C8orf34: variants seen among roughly 807,000 people sequenced by gnomAD.
The protein encoded by C8orf34 is chromosome 8 open reading frame 34.
In C8orf34, 65 loss-of-function variants were observed where a neutral mutation model predicts 68.3. The observed-to-expected ratio is 0.95, with a 90% CI of 0.78 to 1.17. The LOEUF (loss-of-function observed/expected upper bound fraction) is 1.17. C8orf34 is among the 50% of genes most tolerant of loss of function. The pLI is 0.00. For missense variants in C8orf34, 664 were observed against 655.4 expected (o/e 1.01, Z -0.14); for synonymous variants, 244 against 241.2 (o/e 1.01, Z -0.11).
chr8:68,708,973 T>G (rs1821253467), intron 8 of C8orf34, 21 bp from the exon 9 acceptor site: 1 of 1,543,500 alleles, frequency 6.5e-7, no homozygotes, highest in South Asian at 1.1e-5. Flanking sequence ...GATGTTTCAA[T>G]GATCATTTTT....
chr8:68,434,040 T>C (rs1187640745), intron 1 of C8orf34, among the ~76,000 whole-genome samples: 1 of 152,180 alleles, frequency 6.6e-6, no homozygotes, highest in Non-Finnish European at 1.5e-5. Flanking sequence ...ATAATATACA[T>C]TTTCACTCAA....
chr8:68,494,680 C>T (rs543234029), intron 5 of C8orf34, among the ~76,000 whole-genome samples: 1 of 151,948 alleles, frequency 6.6e-6, no homozygotes, highest in East Asian at 1.9e-4. Flanking sequence ...CATGGTGAAA[C>T]CCTGTATCTA....
At chr8:68,720,357 G>A (rs900782187) in intron 9 of C8orf34, among the ~76,000 whole-genome samples, 2 of 151,868 alleles carry the variant, frequency 1.3e-5, no homozygotes, top group African/African-American at 4.8e-5. Context: ...GATTTATTAT[G>A]GATTTGGGCT....
At chr8:68,555,461 C>T (rs778149791) in intron 7 of C8orf34, among the ~76,000 whole-genome samples, 6 of 152,076 alleles carry the variant, frequency 3.9e-5, no homozygotes, top group African/African-American at 7.2e-5. Context: ...ACTTTTTTAA[C>T]GTACATGTCT....
At chr8:68,690,065 A>G (rs1820640502) in intron 8 of C8orf34, among the ~76,000 whole-genome samples, 2 of 152,060 alleles carry the variant, frequency 1.3e-5, no homozygotes, top group African/African-American at 4.8e-5. Flanking sequence ...ATTTTTTGGA[A>G]TAAAGGACTG....
intron 1 of C8orf34, among the ~76,000 whole-genome samples, chr8:68,411,265 T>C (rs1809431517): frequency 1.3e-5 from 2 of 152,182 alleles, no homozygotes; most frequent in South Asian, 4.1e-4. Context: ...AACTGCATGG[T>C]TTCTAAGTAG....
At chr8:68,750,537 T>C (rs1385256938) in intron 10 of C8orf34, among the ~76,000 whole-genome samples, 2 of 152,156 alleles carry the variant, frequency 1.3e-5, no homozygotes, top group African/African-American at 4.8e-5. Context: ...ATAGTTGTGA[T>C]GGTTGCACAG....
chr8:68,592,929 C>T (rs891161695), intron 7 of C8orf34, among the ~76,000 whole-genome samples: 2 of 151,794 alleles, frequency 1.3e-5, no homozygotes, highest in Admixed American at 6.6e-5. Context: ...TTCTTTTATT[C>T]GATGTGTTGA....
At chr8:68,532,095 A>T (rs1279284142) in intron 6 of C8orf34, among the ~76,000 whole-genome samples, 1 of 152,106 alleles carries the variant, frequency 6.6e-6, no homozygotes, top group Non-Finnish European at 1.5e-5. Context: ...TCCACTAAAG[A>T]TGCTAGGAGA....
chr8:68,743,789 C>T (rs987580688), intron 10 of C8orf34, among the ~76,000 whole-genome samples: 5 of 152,256 alleles, frequency 3.3e-5, no homozygotes, highest in South Asian at 2.1e-4. Flanking sequence ...AACTGCAAGG[C>T]GGCAGCAAGG....
intron 9 of C8orf34, among the ~76,000 whole-genome samples, chr8:68,713,103 T>C (rs1821370719): frequency 6.6e-6 from 1 of 152,062 alleles, no homozygotes; most frequent in Admixed American, 6.6e-5. Context: ...AAGATGGAAA[T>C]TAAAAAGTTC....
At chr8:68,592,032 G>A (rs1296098246) in intron 7 of C8orf34, among the ~76,000 whole-genome samples, 3 of 151,976 alleles carry the variant, frequency 2.0e-5, no homozygotes, top group South Asian at 2.1e-4. Context: ...AGCTATTTGC[G>A]CTTTTAAAAA....
At chr8:68,601,179 A>G (rs1480833652) in intron 7 of C8orf34, among the ~76,000 whole-genome samples, 1 of 152,026 alleles carries the variant, frequency 6.6e-6, no homozygotes, top group Admixed American at 6.6e-5. Flanking sequence ...TGGTGCTTTC[A>G]ATACTTTTTT....
At chr8:68,337,371 A>G (rs1805895135) in intron 1 of C8orf34, among the ~76,000 whole-genome samples, 1 of 152,178 alleles carries the variant, frequency 6.6e-6, no homozygotes, top group African/African-American at 2.4e-5. Flanking sequence ...ATAATGAGAA[A>G]ATATCTTATA....
At chr8:68,672,511 G>A (rs753238021) in intron 8 of C8orf34, among the ~76,000 whole-genome samples, 1 of 152,122 alleles carries the variant, frequency 6.6e-6, no homozygotes, top group Non-Finnish European at 1.5e-5. Context: ...AGTGCTGCCC[G>A]GTCACAATGG....
At position 68,503,686 on chromosome 8, in the gene C8orf34, C is replaced by CTT. The variant is rs538748605; in HGVS notation, c.765+15649_765+15650dup. 4.4e-3 allele frequency among the ~76,000 whole-genome samples: 593 copies of CTT among 135,208 alleles called. 8 individuals are homozygous for CTT. The highest frequency in any genetic ancestry group is 0.015 in the African/African-American group (567 of 37,212). The allele number at this position is 135,208 out of a possible 152,430, so 88.7% of individuals were successfully genotyped here. On this transcript the variant is annotated intron_variant, in intron 5 of 13. Transcript: ENST00000518698. The stretch of plus-strand genomic sequence containing the variant: ...GGAGTAGTTATTCTCTTTTCTTTTT[C>CTT]TTTTTTTTTTTTTTTCCAAATAAGA...
chr8:68,612,354 A>G (rs554641728), intron 7 of C8orf34, among the ~76,000 whole-genome samples: 1 of 152,240 alleles, frequency 6.6e-6, no homozygotes, highest in Non-Finnish European at 1.5e-5. Context: ...ACTTGCCCCA[A>G]ATCACACAGC....
At chr8:68,391,169 G>A (rs1032248072) in intron 1 of C8orf34, among the ~76,000 whole-genome samples, 4 of 152,070 alleles carry the variant, frequency 2.6e-5, no homozygotes, top group Non-Finnish European at 1.5e-5. Flanking sequence ...TACTCCATGA[G>A]TAGTAAGTAG....
chr8:68,525,497 T>A (rs1814936133), intron 6 of C8orf34: 1 of 672,836 alleles, frequency 1.5e-6, no homozygotes, highest in South Asian at 1.9e-5. Context: ...GCATTTTATT[T>A]GTAAGTATGT....
Sources: gnomAD v4.1 joint callset for allele counts (sites outside exome capture counted in the v4.1 genomes callset) on GRCh38, gnomAD v4.1.1 for gene constraint, MANE v1.5 for transcripts, NCBI Gene and HGNC (gene_info 2026-07-23, HGNC 2026-07-21) for gene names.